MTHFS: variants seen among roughly 807,000 people sequenced by gnomAD.
MTHFS encodes the protein 5-formyltetrahydrofolate cyclo-ligase.
Under a neutral mutation model 12.7 loss-of-function variants are expected in MTHFS, and 7 were observed. The ratio of observed to expected loss-of-function variants is 0.55; its 90% CI spans 0.31 to 1.03. MTHFS has a LOEUF of 1.03. Ranked by LOEUF, MTHFS falls within the 50% of genes least tolerant of loss-of-function variation. MTHFS has a pLI of 0.05. For synonymous variants in MTHFS, 100 were observed against 97.1 expected (o/e 1.03, Z -0.18); for missense variants, 252 against 258.1 (o/e 0.98, Z 0.16).
At chr15:79,896,761 G>C (rs75958782) in intron 1 of MTHFS, 111 bp downstream of exon 1, 52 of 1,447,116 alleles carry the variant, frequency 3.6e-5, no homozygotes, top group African/African-American at 7.4e-5. Context: ...CGGGGGGTGG[G>C]GGGGCGCCTA....
rs765030447 is a variant in MTHFS at position 79,889,171 on chromosome 15, T to C, written c.301A>G (p.Ile101Val). 35 of 1,614,188 alleles carry C rather than the reference T, an allele frequency of 2.2e-5. No homozygotes were observed. In the East Asian group the frequency reaches 7.8e-4, roughly 36 times the overall value. ...CAGGATGTTTTGGGAAGTAAAGAAA[T>C]TTCCTCTGGTGATTCTATTCTCACC... is the stretch of plus-strand genomic sequence containing the variant. ...DMVRIESPEE[I>V]SLLPKTSWNI... The change falls in exon 2 of 3, where the codon ATT becomes GTT. Residue 101 changes from isoleucine (I) to valine (V), a missense_variant. Physicochemically the swap from Ile to Val is conservative, Grantham distance 29 (BLOSUM62 3). Coordinates refer to ENST00000258874, the MANE Select transcript of MTHFS (RefSeq NM_006441.4).
chr15:79,892,758 CT>C, intron 1 of MTHFS, among the ~76,000 whole-genome samples: 2 of 152,028 alleles, frequency 1.3e-5, no homozygotes, highest in South Asian at 2.1e-4. Flanking sequence ...CGAGACCATC[CT>C]GGCCAACGTG....
In MTHFS at chr15:79,884,644, G is replaced by A. The variant is rs566150571; in HGVS notation, c.379+4449C>T. Among the ~76,000 whole-genome samples the A allele has an allele frequency of 2.6e-5, 4 of 152,196 alleles. No homozygotes were observed. The South Asian group carries it at 6.2e-4, about 24-fold the overall frequency. ...AAAACCTGGTAATAAGTAGATGGTG[G>A]GAAGGAGGCAAGGATAATTCCATGT... On this transcript the variant is annotated intron_variant, in intron 2 of 2. Transcript: ENST00000258874.
upstream of MTHFS, chr15:79,897,029 G>GGGCGCCCTC (rs1185198553): frequency 2.0e-6 from 3 of 1,488,378 alleles, no homozygotes; most frequent in South Asian, 1.3e-5. Flanking sequence ...TCGGCGCCCT[G>GGGCGCCCTC]GGCGCCCTCG....
At chr15:79,889,026 T>C in intron 2 of MTHFS, 67 bp downstream of exon 2, 2 of 1,579,370 alleles carry the variant, frequency 1.3e-6, no homozygotes, top group South Asian at 1.2e-5. Context: ...GACCCACACA[T>C]AACCCGTGGA....
intron 2 of MTHFS, among the ~76,000 whole-genome samples, chr15:79,847,456 G>A (rs1050180487): frequency 2.6e-5 from 4 of 151,990 alleles, no homozygotes; most frequent in South Asian, 2.1e-4. Flanking sequence ...AGGCAGAGGC[G>A]GGCGGATCAT....
chr15:79,869,686 G>A (rs535187842), intron 2 of MTHFS, among the ~76,000 whole-genome samples: 19 of 152,154 alleles, frequency 1.2e-4, no homozygotes, highest in Non-Finnish European at 2.6e-4. Flanking sequence ...CTCCCACCTC[G>A]GCCTCCAAAA....
In MTHFS at chr15:79,889,847, C is replaced by A. The variant is rs76354551; in HGVS notation, c.118-493G>T. 1.7e-3 allele frequency among the ~76,000 whole-genome samples: 258 copies of A among 152,216 alleles called. 1 individual carries two copies. Among genetic ancestry groups the A allele is most frequent in the African/African-American group, 5.9e-3 (243 of 41,528 alleles). ...AGCCCTAACTTTTCCTAACTTCTGC[C>A]GAACCCTTACTACATTTAGAGTTAA... On this transcript the variant is annotated intron_variant, in intron 1 of 2. Transcript: ENST00000258874.
At chr15:79,886,571 C>A (rs1009100573) in intron 2 of MTHFS, among the ~76,000 whole-genome samples, 2 of 151,940 alleles carry the variant, frequency 1.3e-5, no homozygotes, top group African/African-American at 4.8e-5. Flanking sequence ...AAATGAGCAA[C>A]CAGTTGTGGG....
chr15:79,871,492 T>C (rs1749981919), intron 2 of MTHFS, among the ~76,000 whole-genome samples: 1 of 150,948 alleles, frequency 6.6e-6, no homozygotes, highest in Non-Finnish European at 1.5e-5. Flanking sequence ...TACAGAGGGA[T>C]GCCCCACAGA....
At chr15:79,891,190 G>A (rs2034466151) in intron 1 of MTHFS, among the ~76,000 whole-genome samples, 1 of 152,166 alleles carries the variant, frequency 6.6e-6, no homozygotes, top group South Asian at 2.1e-4. Context: ...AAGGGTGCAG[G>A]TCAGGCAGAA....
intron 2 of MTHFS, among the ~76,000 whole-genome samples, chr15:79,874,775 A>G (rs772866247): frequency 6.6e-6 from 1 of 152,084 alleles, no homozygotes; most frequent in Non-Finnish European, 1.5e-5. Context: ...TGAAAAAAAG[A>G]ATTCAGCGAT....
At chr15:79,860,160 T>C (rs1048563418) in intron 2 of MTHFS, among the ~76,000 whole-genome samples, 2 of 151,958 alleles carry the variant, frequency 1.3e-5, no homozygotes, top group Non-Finnish European at 2.9e-5. Context: ...GAGGCCGAGG[T>C]GGGCAAATCA....
chr15:79,849,773 G>C (rs1467756756), intron 2 of MTHFS, among the ~76,000 whole-genome samples: 1 of 152,248 alleles, frequency 6.6e-6, no homozygotes, highest in African/African-American at 2.4e-5. Context: ...GAGCTCTCTA[G>C]ATGTCATAAG....
rs138741039 is a variant in MTHFS at position 79,854,159 on chromosome 15, G to A, written c.380-8717C>T. ...TGGAATCAGTCAAACTGGATGCAGC[G>A]TCTGTACCAGTCAGGTCAGGGCCAT... On this transcript the variant is annotated intron_variant, in intron 2 of 2. Transcript: ENST00000258874. Among the ~76,000 whole-genome samples the A allele has an allele frequency of 1.1e-3, 161 of 152,292 alleles. 1 individual carries two copies. Among genetic ancestry groups the A allele is most frequent in the African/African-American group, 3.6e-3 (151 of 41,568 alleles).
chr15:79,861,827 G>A (rs186222114), intron 2 of MTHFS, among the ~76,000 whole-genome samples: 40 of 152,186 alleles, frequency 2.6e-4, no homozygotes, highest in African/African-American at 9.6e-4. Context: ...AAAGTAGGAT[G>A]CAAAACAAAA....
chr15:79,863,069 A>T (rs1423140628), intron 2 of MTHFS, among the ~76,000 whole-genome samples: 1 of 152,228 alleles, frequency 6.6e-6, no homozygotes, highest in African/African-American at 2.4e-5. Flanking sequence ...TCTCTTCTGC[A>T]TTCTTTGCCT....
At chr15:79,870,104 A>G (rs2034077566) in intron 2 of MTHFS, among the ~76,000 whole-genome samples, 1 of 152,238 alleles carries the variant, frequency 6.6e-6, no homozygotes, top group Non-Finnish European at 1.5e-5. Context: ...AAAATAACAA[A>G]AATTCCTAAA....
chr15:79,886,036 T>G (rs1297761933), intron 2 of MTHFS, among the ~76,000 whole-genome samples: 1 of 152,236 alleles, frequency 6.6e-6, no homozygotes, highest in East Asian at 1.9e-4. Flanking sequence ...TGGGAAAGAA[T>G]CCGACCCTCG....
Sources: allele counts gnomAD v4.1 joint callset (sites outside exome capture counted in the v4.1 genomes callset), GRCh38; gene constraint gnomAD v4.1.1; transcripts MANE v1.5; gene names NCBI Gene and HGNC (gene_info 2026-07-23, HGNC 2026-07-21).